Variants in HECTD2 observed in about 807,000 individuals in gnomAD.
HECTD2 encodes the protein HECT domain E3 ubiquitin protein ligase 2.
A neutral mutation model predicts 103.2 loss-of-function variants in HECTD2; 35 were observed. That is an observed-to-expected ratio of 0.34 (90% CI 0.26 to 0.45). The LOEUF (loss-of-function observed/expected upper bound fraction) is 0.45. Among genes scored for constraint, HECTD2 ranks in the 20% least tolerant of loss-of-function variants. The pLI is 1.00. For synonymous variants in HECTD2, 281 were observed against 329.9 expected, an observed-to-expected ratio of 0.85 and a Z score of 1.61; for missense variants, 596 against 937.4, an observed-to-expected ratio of 0.64 and a Z score of 4.76.
At chr10:91,454,864 C>G (rs1434382948) in intron 2 of HECTD2, among the ~76,000 whole-genome samples, 1 of 152,076 alleles carries the variant, frequency 6.6e-6, no homozygotes, top group African/African-American at 2.4e-5. Context: ...ATGATGGTTT[C>G]CAGCTTCATC....
intron 2 of HECTD2, among the ~76,000 whole-genome samples, chr10:91,437,619 C>CTTTTTTTTTTTTTTTTTTGTTTGTTT (rs1844176801): frequency 1.1e-5 from 1 of 87,426 alleles, no homozygotes; most frequent in African/African-American, 3.3e-5. Context: ...GATGGTTGTT[C>CTTTTTTTTTTTTTTTTTTGTTTGTTT]TTTTTTTTTT....
chr10:91,506,370 C>T (rs555545970), intron 20 of HECTD2, among the ~76,000 whole-genome samples: 2 of 152,256 alleles, frequency 1.3e-5, no homozygotes, highest in Non-Finnish European at 2.9e-5. Flanking sequence ...AATTGATAGA[C>T]CGCTAGCAAG....
chr10:91,416,435 T>C (rs2132980419), intron 1 of HECTD2, among the ~76,000 whole-genome samples: 1 of 152,332 alleles, frequency 6.6e-6, no homozygotes, highest in East Asian at 1.9e-4. Flanking sequence ...TGTTTAGATA[T>C]GTTTAGATGC....
At position 91,467,987 on chromosome 10, in the gene HECTD2, G is replaced by A. The variant is rs545476910; in HGVS notation, c.600+5803G>A. On this transcript the variant is annotated intron_variant, in intron 5 of 20. Coordinates refer to ENST00000298068, the MANE Select transcript of HECTD2 (RefSeq NM_182765.6). The stretch of plus-strand genomic sequence containing the variant: ...ACCTACCACACCACCACTGCTGCCA[G>A]CTCAAGAGCATGGAGCAATGCCACA... Among the ~76,000 whole-genome samples, 10 of 152,130 alleles carry A rather than the reference G, an allele frequency of 6.6e-5. No individual in the cohort carries two copies. The East Asian group carries it at 9.7e-4, about 15-fold the overall frequency.
intron 20 of HECTD2, among the ~76,000 whole-genome samples, chr10:91,508,971 G>A (rs1180978558): frequency 1.3e-5 from 2 of 151,938 alleles, no homozygotes; most frequent in African/African-American, 4.8e-5. Flanking sequence ...CATGTCCTTT[G>A]TAGGGATATG....
intron 2 of HECTD2, among the ~76,000 whole-genome samples, chr10:91,456,371 CTGTT>C (rs911733393): frequency 5.9e-5 from 9 of 151,666 alleles, no homozygotes; most frequent in South Asian, 4.2e-4. Context: ...ATTTGGCTCT[CTGTT>C]TGTCTGTTAT....
At chr10:91,458,138 A>G (rs1018519099) in intron 2 of HECTD2, among the ~76,000 whole-genome samples, 2 of 151,826 alleles carry the variant, frequency 1.3e-5, no homozygotes, top group African/African-American at 4.8e-5. Context: ...ATATTTCTTT[A>G]TGTTAACAGT....
chr10:91,509,490 T>C (rs1271768096), intron 20 of HECTD2, among the ~76,000 whole-genome samples: 1 of 152,068 alleles, frequency 6.6e-6, no homozygotes, highest in African/African-American at 2.4e-5. Flanking sequence ...TATTCTGTCA[T>C]AAAGACACAT....
chr10:91,492,361 A>C lies in HECTD2; in HGVS notation c.1309A>C (p.Lys437Gln). The C allele has an allele frequency of 6.2e-7, 1 of 1,612,652 alleles. No homozygotes were observed. Among genetic ancestry groups the C allele is most frequent in the Non-Finnish European group, 8.5e-7 (1 of 1,178,804 alleles). The change falls in exon 13 of 21, where the codon AAA becomes CAA. Residue 437 changes from lysine to glutamine, a missense_variant. Coordinates refer to ENST00000298068, the MANE Select transcript of HECTD2 (RefSeq NM_182765.6). The part of the protein sequence containing the change: ...VSDSLDELTR[K>Q]RADLKKKLKV... ...TAATATCTTCAAATAGCTAACCCGG[A>C]AAAGAGCCGATTTGAAAAAGAAGTT...
intron 20 of HECTD2, among the ~76,000 whole-genome samples, chr10:91,507,357 A>G (rs1847230229): frequency 1.3e-5 from 2 of 151,570 alleles, no homozygotes; most frequent in Non-Finnish European, 3.0e-5. Context: ...AGATGACATG[A>G]TTGTATATCT....
At chr10:91,497,707 C>T (rs1309564808) in intron 15 of HECTD2, among the ~76,000 whole-genome samples, 3 of 152,102 alleles carry the variant, frequency 2.0e-5, no homozygotes, top group Non-Finnish European at 2.9e-5. Flanking sequence ...CATGAATGAA[C>T]TGTGTGTTTT....
intron 2 of HECTD2, among the ~76,000 whole-genome samples, chr10:91,437,715 A>G (rs1844190649): frequency 1.3e-5 from 2 of 150,272 alleles, no homozygotes; most frequent in African/African-American, 4.9e-5. Flanking sequence ...ATTAAAAATC[A>G]GTTTTTTATA....
chr10:91,471,278 A>G (rs1051397128), intron 5 of HECTD2, among the ~76,000 whole-genome samples: 3 of 152,196 alleles, frequency 2.0e-5, no homozygotes, highest in South Asian at 2.1e-4. Context: ...GCTTCCCTGC[A>G]TGTTAAAAAC....
intron 5 of HECTD2, chr10:91,462,576 T>G (rs1456699717): frequency 1.2e-5 from 12 of 1,019,422 alleles, no homozygotes; most frequent in African/African-American, 1.7e-5. Flanking sequence ...AGGTCTTGGG[T>G]GAAGCCCAAG....
At chr10:91,511,056 T>TAA (rs1406568110) in intron 20 of HECTD2, among the ~76,000 whole-genome samples, 1 of 152,214 alleles carries the variant, frequency 6.6e-6, no homozygotes, top group African/African-American at 2.4e-5. Flanking sequence ...AAACACTGAG[T>TAA]AAATGCTGAT....
At chr10:91,472,415 G>A (rs948707791) in intron 5 of HECTD2, among the ~76,000 whole-genome samples, 2 of 152,042 alleles carry the variant, frequency 1.3e-5, no homozygotes, top group Admixed American at 1.3e-4. Context: ...TCATGAAAAA[G>A]ATGCCAAAAG....
At chr10:91,415,072 G>C (rs1298021980) in intron 1 of HECTD2, among the ~76,000 whole-genome samples, 1 of 152,168 alleles carries the variant, frequency 6.6e-6, no homozygotes, top group African/African-American at 2.4e-5. Flanking sequence ...GAGTGTAAGG[G>C]ATGGGAGCAT....
At chr10:91,427,256 G>C (rs1843608247) in intron 2 of HECTD2, among the ~76,000 whole-genome samples, 1 of 151,774 alleles carries the variant, frequency 6.6e-6, no homozygotes, top group African/African-American at 2.4e-5. Context: ...ATCATTGTTG[G>C]ACATTTGGGT....
At chr10:91,504,867 C>T (rs996195780) in intron 20 of HECTD2, among the ~76,000 whole-genome samples, 1 of 152,086 alleles carries the variant, frequency 6.6e-6, no homozygotes, top group African/African-American at 2.4e-5. Context: ...ATGTTAAGGG[C>T]AGCCAGAGAG....
Sources: gnomAD v4.1 joint callset for allele counts (sites outside exome capture counted in the v4.1 genomes callset) on GRCh38, gnomAD v4.1.1 for gene constraint, MANE v1.5 for transcripts, NCBI Gene and HGNC (gene_info 2026-07-23, HGNC 2026-07-21) for gene names.